The following GSDME variants were observed in gnomAD, a reference collection of about 807,000 sequenced individuals.
GSDME encodes gasdermin-E.
In GSDME, 44 loss-of-function variants were observed where a neutral mutation model predicts 47.5. That is an observed-to-expected ratio of 0.93 (90% CI 0.73 to 1.19). GSDME has a LOEUF of 1.19. GSDME is among the 50% of genes most tolerant of loss of function. The probability of loss-of-function intolerance (pLI) is 0.00; values close to 1 mark genes in which losing one functional copy is unlikely to be tolerated. For missense variants in GSDME, 663 were observed against 604.2 expected (o/e 1.10, Z -1.02); for synonymous variants, 258 against 252.8 (o/e 1.02, Z -0.20).
At chr7:24,782,313 A>G in the GSDME span, among the ~76,000 whole-genome samples, 3 of 147,846 alleles carry the variant, frequency 2.0e-5, no homozygotes, top group Non-Finnish European at 3.0e-5. Flanking sequence ...GAGAACATGC[A>G]GTGTTTGGTT....
rs1790198088 is a variant in GSDME, at chr7:24,733,136, C to T, written c.404+11426G>A. 6.6e-6 allele frequency among the ~76,000 whole-genome samples: 1 copy of T among 152,076 alleles called. No homozygotes were observed. Among genetic ancestry groups the T allele is most frequent in the African/African-American group, 2.4e-5 (1 of 41,410 alleles). On this transcript the variant is annotated intron_variant, in intron 3 of 9. Transcript: ENST00000645220. This position sits in a 1 kb window ranked among gnomAD's most constrained non-coding sequence, Gnocchi z 4.3. ...AGAGTTGTGAGGCCCCCACTGCAGA[C>T]CCTAGCTGCCAGACATTTCTAGAAA...
At chr7:24,757,509 C>G (rs965264899), upstream of GSDME, 1 of 151,656 alleles carries the variant, frequency 6.6e-6, no homozygotes, top group Non-Finnish European at 1.5e-5. The surrounding 1 kb of genome is among the most constrained non-coding windows in gnomAD (Gnocchi z 5.9). Flanking sequence ...AGAGAGGGCC[C>G]GCCCGCCGGG....
rs1789332900 is a variant in GSDME, at chr7:24,711,020, T to C, written c.698-632A>G. On this transcript the variant is annotated intron_variant, in intron 5 of 9. Transcript: ENST00000645220. ...CAAAAGCCTTATCATTTCAAGGTAC[T>C]AAAATATTTACAGATGAAACAATAT... is the stretch of plus-strand genomic sequence containing the variant. 3.9e-5 allele frequency among the ~76,000 whole-genome samples: 6 copies of C among 152,284 alleles called. No individual in the cohort carries two copies. The South Asian group carries it at 1.0e-3, about 26-fold the overall frequency.
intron 2 of GSDME, 145 bp downstream of exon 2, chr7:24,749,419 C>T (rs1790780263): frequency 4.2e-6 from 3 of 710,238 alleles, no homozygotes; most frequent in South Asian, 3.4e-5. Context: ...GGAGAATCAC[C>T]TGAACCTGGG....
chr7:24,760,758 C>G (rs1226937280), upstream of GSDME, among the ~76,000 whole-genome samples: 1 of 152,136 alleles, frequency 6.6e-6, no homozygotes, highest in Non-Finnish European at 1.5e-5. This position sits in a 1 kb window ranked among gnomAD's most constrained non-coding sequence, Gnocchi z 4.2. Flanking sequence ...CCCTAAATCC[C>G]AAAAGTGCTT....
At chr7:24,703,858 G>A (rs1181259808) in intron 8 of GSDME, 3 of 152,224 alleles carry the variant, frequency 2.0e-5, no homozygotes, top group Non-Finnish European at 4.4e-5. Flanking sequence ...AAAGCAGGAA[G>A]GTGAAGACGG....
At chr7:24,784,531 G>A in the GSDME span, among the ~76,000 whole-genome samples, 1 of 151,912 alleles carries the variant, frequency 6.6e-6, no homozygotes, top group East Asian at 1.9e-4. Context: ...TGATGTTCAA[G>A]AGCTGGAAGC....
chr7:24,703,072 A>G (rs932165963), intron 8 of GSDME: 12 of 421,712 alleles, frequency 2.8e-5, no homozygotes, highest in South Asian at 6.1e-5. Flanking sequence ...ACTCCTTGAC[A>G]TTCAATTTAC....
At chr7:24,752,498 A>T (rs1353023841) in intron 1 of GSDME, among the ~76,000 whole-genome samples, 6 of 152,354 alleles carry the variant, frequency 3.9e-5, no homozygotes, top group Non-Finnish European at 7.4e-5. Context: ...GGACTATGTC[A>T]GTGGCATAAG....
At chr7:24,765,916 G>T in the GSDME span, among the ~76,000 whole-genome samples, 2 of 152,146 alleles carry the variant, frequency 1.3e-5, no homozygotes, top group East Asian at 1.9e-4. Context: ...TATAAATCTG[G>T]CACAATATAT....
At chr7:24,760,187 G>A (rs779199016), upstream of GSDME, among the ~76,000 whole-genome samples, 4 of 152,270 alleles carry the variant, frequency 2.6e-5, no homozygotes, top group East Asian at 5.8e-4. This position sits in a 1 kb window ranked among gnomAD's most constrained non-coding sequence, Gnocchi z 4.2. Flanking sequence ...ATTGGGTGTC[G>A]TGTATTTCCT....
chr7:24,794,879 TACTC>T, the GSDME span, among the ~76,000 whole-genome samples: 5 of 152,122 alleles, frequency 3.3e-5, no homozygotes, highest in Non-Finnish European at 5.9e-5. Flanking sequence ...GATAAGGAGT[TACTC>T]ATTCATCAAG....
the GSDME span, among the ~76,000 whole-genome samples, chr7:24,765,595 T>G: frequency 6.6e-6 from 1 of 152,230 alleles, no homozygotes; most frequent in Non-Finnish European, 1.5e-5. Flanking sequence ...TCACTGCCCT[T>G]TTTCTGTCCT....
chr7:24,771,913 G>C, the GSDME span, among the ~76,000 whole-genome samples: 6 of 152,218 alleles, frequency 3.9e-5, no homozygotes, highest in Non-Finnish European at 5.9e-5. The surrounding 1 kb of genome is among the most constrained non-coding windows in gnomAD (Gnocchi z 4.1). Context: ...TCCCTGACGT[G>C]AATGGAGGTC....
In GSDME at chr7:24,724,321, C is replaced by T. The variant is rs758191879; in HGVS notation, c.405-5103G>A. ...AAATGAATGGTTTATCACATAAACC[C>T]GGGCAGGACTGGAATGAGACCCTCT... On this transcript the variant is annotated intron_variant, in intron 3 of 9. Coordinates refer to ENST00000645220, the MANE Select transcript of GSDME (RefSeq NM_001127453.2). This position sits in a 1 kb window ranked among gnomAD's most constrained non-coding sequence, Gnocchi z 4.8. Among the ~76,000 whole-genome samples, 3 of 152,216 alleles carry T rather than the reference C, an allele frequency of 2.0e-5. No homozygotes were observed. Among genetic ancestry groups the T allele is most frequent in the Admixed American group, 6.5e-5 (1 of 15,284 alleles).
chr7:24,791,510 A>G, the GSDME span, among the ~76,000 whole-genome samples: 1 of 152,228 alleles, frequency 6.6e-6, no homozygotes, highest in East Asian at 1.9e-4. This position sits in a 1 kb window ranked among gnomAD's most constrained non-coding sequence, Gnocchi z 4.8. Flanking sequence ...ATGTAGAAGT[A>G]CTGGCCTAAC....
the GSDME span, among the ~76,000 whole-genome samples, chr7:24,792,817 C>G: frequency 6.6e-6 from 1 of 151,918 alleles, no homozygotes; most frequent in East Asian, 1.9e-4. Flanking sequence ...TTTTTCCACC[C>G]TTTGATAAGA....
the GSDME span, among the ~76,000 whole-genome samples, chr7:24,781,617 A>G: frequency 1.3e-5 from 2 of 152,158 alleles, no homozygotes; most frequent in Non-Finnish European, 2.9e-5. Context: ...AAGAACCCCA[A>G]AGAGCGTTTG....
Position 24,754,104 on chromosome 7 carries a change from G to A in GSDME, c.-20+3292C>T, listed in dbSNP as rs1256199910. Among the ~76,000 whole-genome samples, 1 of 152,194 alleles carries A rather than the reference G, an allele frequency of 6.6e-6. No homozygotes were observed. Among genetic ancestry groups the A allele is most frequent in the African/African-American group, 2.4e-5 (1 of 41,444 alleles). ...GGAGAAGATGAAAATGGCCTCAGGA[G>A]GCATCATGCTCAAATAGCTCATGGC... On this transcript the variant is annotated intron_variant, in intron 1 of 9. Transcript: ENST00000645220. The surrounding 1 kb of genome is among the most constrained non-coding windows in gnomAD (Gnocchi z 5.0).
Sources: gnomAD v4.1 joint callset for allele counts (sites outside exome capture counted in the v4.1 genomes callset) on GRCh38, gnomAD v4.1.1 for gene constraint, Gnocchi (gnomAD v3.1) non-coding constraint, MANE v1.5 for transcripts, NCBI Gene and HGNC (gene_info 2026-07-23, HGNC 2026-07-21) for gene names.